The following NXN variants were observed in gnomAD, a reference collection of about 807,000 sequenced individuals.
The protein encoded by NXN is nucleoredoxin.
Under a neutral mutation model 48.6 loss-of-function variants are expected in NXN, and 16 were observed. The ratio of observed to expected loss-of-function variants is 0.33; its 90% CI spans 0.22 to 0.50. The LOEUF (loss-of-function observed/expected upper bound fraction) is 0.50. NXN is among the 20% of genes least tolerant of loss of function. The probability of loss-of-function intolerance (pLI) is 0.98; values close to 1 mark genes in which losing one functional copy is unlikely to be tolerated. For missense variants in NXN, 492 were observed against 605.5 expected, an observed-to-expected ratio of 0.81 and a Z score of 1.97; for synonymous variants, 281 against 269.6, an observed-to-expected ratio of 1.04 and a Z score of -0.41.
At chr17:805,639 C>G (rs1293353922) in intron 5 of NXN, among the ~76,000 whole-genome samples, 1 of 150,810 alleles carries the variant, frequency 6.6e-6, no homozygotes, top group Admixed American at 6.6e-5. Flanking sequence ...GAGTTGGAGA[C>G]CAGCCTGGCC....
At chr17:959,158 G>A (rs1389051238) in intron 1 of NXN, 13 of 693,100 alleles carry the variant, frequency 1.9e-5, no homozygotes, top group Non-Finnish European at 2.1e-5. Context: ...CGCCCCTACG[G>A]AAGGCTGGAG....
rs1346630277 is a variant in NXN at position 821,276 on chromosome 17, G to T, written c.713+1081C>A. Among the ~76,000 whole-genome samples, 6 of 78,378 alleles carry T rather than the reference G, an allele frequency of 7.7e-5. 1 individual carries two copies. Among genetic ancestry groups the T allele is most frequent in the Non-Finnish European group, 1.4e-4 (6 of 42,096 alleles). The allele number at this position is 78,378 out of a possible 152,430, so 51.4% of individuals were successfully genotyped here. A position where few individuals can be genotyped will look rare whatever the true frequency, so the allele number is the denominator to read the frequency against. ...GCCACTGGTGACTCAGTCTAAACTG[G>T]GGCGGGAGTTTTGAGGTGAAGGAAA... On this transcript the variant is annotated intron_variant, in intron 4 of 7. Transcript: ENST00000336868.
At chr17:896,858 C>CGGGGGG in intron 1 of NXN, 11 of 536,106 alleles carry the variant, frequency 2.1e-5, no homozygotes, top group African/African-American at 4.2e-5. Flanking sequence ...GTCCTGACCA[C>CGGGGGG]CCGCCCCCGG....
At chr17:818,154 G>C (rs551579112) in intron 5 of NXN, among the ~76,000 whole-genome samples, 1 of 151,870 alleles carries the variant, frequency 6.6e-6, no homozygotes, top group Non-Finnish European at 1.5e-5. Context: ...CCAGCTACTC[G>C]GGAGGCTGAG....
rs111654249 is a variant in NXN, at chr17:830,359, C to T, written c.361-4281G>A. On this transcript the variant is annotated intron_variant, in intron 1 of 7. Coordinates refer to ENST00000336868, the MANE Select transcript of NXN (RefSeq NM_022463.5). The surrounding 1 kb of genome is among the most constrained non-coding windows in gnomAD (Gnocchi z 4.2). ...TAAACAGGAAACTCATTTCAGACAC[C>T]GAGAAGTAACAGAAAGAAAACAGGG... Among the ~76,000 whole-genome samples the T allele has an allele frequency of 1.3e-5, 2 of 152,114 alleles. No individual in the cohort carries two copies. The highest frequency in any genetic ancestry group is 4.8e-5 in the African/African-American group (2 of 41,484).
At position 872,854 on chromosome 17, in the gene NXN, C is replaced by T. The variant is rs139959887; in HGVS notation, c.361-46776G>A. Among the ~76,000 whole-genome samples, 1,264 of 152,178 alleles carry T rather than the reference C, an allele frequency of 8.3e-3. 16 individuals are homozygous for T. The highest frequency in any genetic ancestry group is 0.012 in the Non-Finnish European group (837 of 67,996). On this transcript the variant is annotated intron_variant, in intron 1 of 7. Transcript: ENST00000336868. ...CAGGCTGGTCTTGAACTCCTGACCT[C>T]AGGTGATCCACCCGCCTTGGCCTCC...
intron 1 of NXN, among the ~76,000 whole-genome samples, chr17:850,490 C>T (rs1018339898): frequency 2.6e-5 from 4 of 152,158 alleles, no homozygotes; most frequent in South Asian, 2.1e-4. Context: ...GGAAGGTGGC[C>T]GTGAGCAAAC....
At chr17:814,392 G>A (rs189302022) in intron 5 of NXN, among the ~76,000 whole-genome samples, 66 of 152,260 alleles carry the variant, frequency 4.3e-4, no homozygotes, top group Non-Finnish European at 7.4e-5. Flanking sequence ...AAGGAACTCC[G>A]TACCTCAGAG....
intron 1 of NXN, among the ~76,000 whole-genome samples, chr17:874,476 C>T (rs1275725219): frequency 2.6e-5 from 4 of 152,170 alleles, no homozygotes; most frequent in African/African-American, 7.2e-5. Flanking sequence ...CCCAGCTACT[C>T]GGGAGGCTGA....
chr17:974,951 C>T (rs1042216347), intron 1 of NXN, among the ~76,000 whole-genome samples: 7 of 151,932 alleles, frequency 4.6e-5, no homozygotes, highest in African/African-American at 1.5e-4. Context: ...CTCAGCCTCC[C>T]GAGTAGCTGG....
intron 1 of NXN, among the ~76,000 whole-genome samples, chr17:962,698 A>G (rs1282557685): frequency 1.3e-5 from 2 of 152,212 alleles, no homozygotes; most frequent in African/African-American, 4.8e-5. Flanking sequence ...GCCTAATACT[A>G]GTCCCCCACA....
At position 823,691 on chromosome 17, in the gene NXN, A is replaced by T; in HGVS notation, c.553T>A (p.Ser185Thr). The change falls in exon 3 of 8, where the codon TCT (serine) becomes ACT (threonine). Residue 185 changes from serine to threonine, a missense_variant. Around this residue, in one of 3 missense-constraint regions of NXN, gnomAD observed 303 missense variants for 388.3 expected, o/e 0.78. Transcript: ENST00000336868. The part of the protein sequence containing the change: ...AGPLLRNNGQ[S>T]LESSSLEGSH... ...CCCTCCAGGCTGCTGCTCTCCAGAGACTGCCCATTGTTTCTAAGCAAGGGC... is the reference window on the plus strand; with the variant it reads ...CCCTCCAGGCTGCTGCTCTCCAGAGTCTGCCCATTGTTTCTAAGCAAGGGC... 1 of 1,614,176 alleles carries T rather than the reference A, an allele frequency of 6.2e-7. No homozygotes were observed. Among genetic ancestry groups the T allele is most frequent in the South Asian group, 1.1e-5 (1 of 91,088 alleles).
chr17:856,487 C>CT (rs35579004), intron 1 of NXN, among the ~76,000 whole-genome samples: 1,388 of 121,058 alleles, frequency 0.011, 22 homozygotes, highest in East Asian at 0.028. Context: ...AAGTACTTGT[C>CT]TTTTTTTTTT....
intron 1 of NXN, among the ~76,000 whole-genome samples, chr17:971,137 G>A (rs760411436): frequency 2.6e-5 from 4 of 151,718 alleles, no homozygotes; most frequent in Non-Finnish European, 5.9e-5. Context: ...GTAGAGACAG[G>A]GTTTCTCCAC....
At position 879,120 on chromosome 17, in the gene NXN, G is replaced by A. The variant is rs576769532; in HGVS notation, c.361-53042C>T. Reference sequence around the variant, plus strand: ...GCAGAGGTTTTAGTGAGCCAAGATCGCGCCATTGCACTCCAGCCTGGGCAA... The same window carrying A: ...GCAGAGGTTTTAGTGAGCCAAGATCACGCCATTGCACTCCAGCCTGGGCAA... On this transcript the variant is annotated intron_variant, in intron 1 of 7. Transcript: ENST00000336868. Among the ~76,000 whole-genome samples the A allele has an allele frequency of 1.6e-4, 24 of 151,952 alleles. No homozygotes were observed. The South Asian group carries it at 3.1e-3, about 20-fold the overall frequency.
At chr17:808,446 G>A (rs966114709) in intron 5 of NXN, among the ~76,000 whole-genome samples, 6 of 151,778 alleles carry the variant, frequency 4.0e-5, no homozygotes, top group Non-Finnish European at 8.8e-5. Flanking sequence ...GGGGTTACAG[G>A]TACACACCAC....
chr17:871,293 G>C (rs1458809114), intron 1 of NXN, among the ~76,000 whole-genome samples: 1 of 151,976 alleles, frequency 6.6e-6, no homozygotes, highest in East Asian at 1.9e-4. Context: ...CCTGGTCACT[G>C]TGGTGACCTC....
rs527532134 is a variant in NXN at position 898,902 on chromosome 17, C to T, written c.361-72824G>A. Among the ~76,000 whole-genome samples, 4 of 70,752 alleles carry T rather than the reference C, an allele frequency of 5.7e-5. 2 individuals carry two copies. In the South Asian group the frequency reaches 1.4e-3, roughly 25 times the overall value. 46.4% of individuals were successfully genotyped at this position (70,752 alleles called of 152,430 possible). On this transcript the variant is annotated intron_variant, in intron 1 of 7. Coordinates refer to ENST00000336868, the MANE Select transcript of NXN (RefSeq NM_022463.5). ...CTCTGAAAGTCATTTCTTCCTATCC[C>T]CTCCCTGCAAAGAAGGAAGGACAGG... is the stretch of plus-strand genomic sequence containing the variant.
chr17:876,591 A>G (rs1291615172), intron 1 of NXN, among the ~76,000 whole-genome samples: 1 of 152,246 alleles, frequency 6.6e-6, no homozygotes, highest in Non-Finnish European at 1.5e-5. Context: ...TCTTAAGCCC[A>G]GGAATCAGTC....
Sources: gnomAD v4.1 joint callset for allele counts (sites outside exome capture counted in the v4.1 genomes callset) on GRCh38, gnomAD v4.1.1 for gene constraint, gnomAD v4.1.1 regional missense constraint, Gnocchi (gnomAD v3.1) non-coding constraint, MANE v1.5 for transcripts, NCBI Gene and HGNC (gene_info 2026-07-23, HGNC 2026-07-21) for gene names.